The following SLC6A11 variants were observed in gnomAD, a reference collection of about 807,000 sequenced individuals.
SLC6A11 encodes solute carrier family 6 member 11, also known as sodium- and chloride-dependent GABA transporter 3.
A neutral mutation model predicts 74.8 loss-of-function variants in SLC6A11; 25 were observed. That is an observed-to-expected ratio of 0.33 (90% CI 0.24 to 0.47). The LOEUF (loss-of-function observed/expected upper bound fraction) is 0.47, where lower values mean the gene tolerates loss of function less well. SLC6A11 is among the 20% of genes least tolerant of loss of function. The pLI is 1.00. For missense variants in SLC6A11, 574 were observed against 837.0 expected (o/e 0.69, Z 3.88); for synonymous variants, 330 against 330.2 (o/e 1.00, Z 0.01).
Position 10,937,064 on chromosome 3 carries a change from A to T in SLC6A11, c.1747-1186A>T, listed in dbSNP as rs539925196. Among the ~76,000 whole-genome samples, 54 of 152,224 alleles carry T rather than the reference A, an allele frequency of 3.5e-4. 1 individual carries two copies. The highest frequency in any genetic ancestry group is 1.3e-3 in the African/African-American group (53 of 41,520). On this transcript the variant is annotated intron_variant, in intron 13 of 13. Transcript: ENST00000254488. ...AAGCTGCTGCTGGGGGACGGGAAGG[A>T]TCTAGAGGGAAAAATGAGGACAGAG...
chr3:10,904,082 A>G (rs149462636), intron 6 of SLC6A11, among the ~76,000 whole-genome samples: 1 of 152,392 alleles, frequency 6.6e-6, no homozygotes, highest in East Asian at 1.9e-4. Flanking sequence ...GTCATAGGAC[A>G]TACAGTATTG....
intron 4 of SLC6A11, among the ~76,000 whole-genome samples, chr3:10,828,421 A>G (rs911294064): frequency 1.3e-5 from 2 of 152,116 alleles, no homozygotes; most frequent in Admixed American, 6.5e-5. Flanking sequence ...TTTTTGAGTC[A>G]CGTGAATGTT....
At chr3:10,863,355 G>T (rs1694725461) in intron 5 of SLC6A11, among the ~76,000 whole-genome samples, 1 of 152,230 alleles carries the variant, frequency 6.6e-6, no homozygotes. Flanking sequence ...ACCAAGAGAG[G>T]TGGGAACTAT....
intron 5 of SLC6A11, among the ~76,000 whole-genome samples, chr3:10,844,973 C>G (rs1694485465): frequency 6.6e-6 from 1 of 152,150 alleles, no homozygotes. Flanking sequence ...ACGGTGTCAC[C>G]TACTGCACAG....
In SLC6A11 at chr3:10,939,541, C is replaced by T. The variant is rs1695799628; in HGVS notation, c.*1139C>T. On this transcript the variant is annotated 3_prime_UTR_variant, in exon 14 of 14. Coordinates refer to ENST00000254488, the MANE Select transcript of SLC6A11 (RefSeq NM_014229.3). ...GGCCTGGTTTCCTCCTAAGGCCCTT[C>T]TCTGTCCCAGGCCACCTCTTCTCCC... The T allele has an allele frequency of 6.6e-6, 1 of 152,492 alleles. No individual in the cohort carries two copies. Among genetic ancestry groups the T allele is most frequent in the Admixed American group, 6.5e-5 (1 of 15,288 alleles). 9.4% of individuals were successfully genotyped at this position (152,492 alleles called of 1,614,324 possible). A position where few individuals can be genotyped will look rare whatever the true frequency, so the allele number is the denominator to read the frequency against.
chr3:10,919,981 C>T (rs1456509689), intron 8 of SLC6A11, among the ~76,000 whole-genome samples: 1 of 152,092 alleles, frequency 6.6e-6, no homozygotes, highest in African/African-American at 2.4e-5. Context: ...CCTAGCCCTT[C>T]ACAAAACACC....
intron 8 of SLC6A11, among the ~76,000 whole-genome samples, chr3:10,923,593 A>T (rs1695564021): frequency 6.6e-6 from 1 of 152,148 alleles, no homozygotes; most frequent in Non-Finnish European, 1.5e-5. Flanking sequence ...ATATAGAAGG[A>T]ATGAGGGAAA....
chr3:10,929,133 TG>T, intron 9 of SLC6A11, 68 bp from the exon 10 acceptor site: 1 of 1,558,866 alleles, frequency 6.4e-7, no homozygotes, highest in East Asian at 2.2e-5. Context: ...CTGCTGCGCT[TG>T]CCCAGAGCCT....
chr3:10,819,648 A>G (rs762160151), intron 2 of SLC6A11, 49 bp downstream of exon 2: 29 of 1,609,724 alleles, frequency 1.8e-5, no homozygotes, highest in Non-Finnish European at 2.4e-5. Flanking sequence ...GGGAATGTCA[A>G]CTGCAAAGGC....
intron 9 of SLC6A11, among the ~76,000 whole-genome samples, chr3:10,928,233 C>T (rs759302658): frequency 6.6e-6 from 1 of 152,156 alleles, no homozygotes; most frequent in Non-Finnish European, 1.5e-5. Flanking sequence ...CTCCTCTGTG[C>T]CAGGGGCCCT....
intron 4 of SLC6A11, among the ~76,000 whole-genome samples, chr3:10,834,063 C>A (rs1694333915): frequency 6.6e-6 from 1 of 152,214 alleles, no homozygotes; most frequent in South Asian, 2.1e-4. Context: ...AACCCATCCA[C>A]CCAGGGGATA....
At chr3:10,924,521 C>T (rs1695577114) in intron 8 of SLC6A11, among the ~76,000 whole-genome samples, 1 of 152,116 alleles carries the variant, frequency 6.6e-6, no homozygotes, top group Non-Finnish European at 1.5e-5. Flanking sequence ...TTAACTTCTG[C>T]TCTTCACAAG....
At chr3:10,870,765 A>T (rs940174471) in intron 5 of SLC6A11, among the ~76,000 whole-genome samples, 12 of 152,176 alleles carry the variant, frequency 7.9e-5, no homozygotes, top group African/African-American at 2.9e-4. Context: ...TGCCTTACAT[A>T]ATGATGCCTC....
chr3:10,863,046 C>A (rs987097429), intron 5 of SLC6A11, among the ~76,000 whole-genome samples: 4 of 152,220 alleles, frequency 2.6e-5, no homozygotes, highest in Non-Finnish European at 4.4e-5. Flanking sequence ...CTGTTATGTT[C>A]TGTTTGTTCT....
intron 5 of SLC6A11, among the ~76,000 whole-genome samples, chr3:10,852,627 G>T (rs992288709): frequency 8.5e-5 from 13 of 152,226 alleles, no homozygotes; most frequent in African/African-American, 3.1e-4. Flanking sequence ...GCTGGCAGTG[G>T]TGCTGCAGTT....
chr3:10,881,705 G>T (rs1694983967), intron 6 of SLC6A11, among the ~76,000 whole-genome samples: 1 of 152,182 alleles, frequency 6.6e-6, no homozygotes, highest in Admixed American at 6.5e-5. Flanking sequence ...CAGGACAAGT[G>T]GGCACGTGCA....
intron 12 of SLC6A11, among the ~76,000 whole-genome samples, chr3:10,934,560 G>A (rs1356159496): frequency 5.3e-5 from 8 of 152,316 alleles, no homozygotes; most frequent in South Asian, 2.1e-4. Flanking sequence ...GCCTGAGACC[G>A]GACCACAGCG....
chr3:10,876,163 T>A (rs187059994), intron 6 of SLC6A11, among the ~76,000 whole-genome samples: 60 of 152,256 alleles, frequency 3.9e-4, no homozygotes, highest in African/African-American at 1.3e-3. Flanking sequence ...GGATGGTTAG[T>A]GCAGCTCAGA....
intron 12 of SLC6A11, 39 bp downstream of exon 12, chr3:10,934,205 C>T: frequency 1.5e-6 from 2 of 1,373,490 alleles, no homozygotes; most frequent in Non-Finnish European, 2.1e-6. Context: ...GCCATCTACC[C>T]ACCCATCTAC....
Sources: allele counts gnomAD v4.1 joint callset (sites outside exome capture counted in the v4.1 genomes callset), GRCh38; gene constraint gnomAD v4.1.1; transcripts MANE v1.5; gene names NCBI Gene and HGNC (gene_info 2026-07-23, HGNC 2026-07-21).